The following DLGAP2 variants were observed in gnomAD, a reference collection of about 807,000 sequenced individuals.
DLGAP2 encodes the protein DLG associated protein 2, also known as disks large-associated protein 2.
Under a neutral mutation model 100.3 loss-of-function variants are expected in DLGAP2, and 26 were observed. That is an observed-to-expected ratio of 0.26 (90% CI 0.19 to 0.36). The LOEUF is 0.36. Ranked by LOEUF, DLGAP2 falls within the 10% of genes least tolerant of loss-of-function variation. DLGAP2 has a pLI of 1.00. For missense variants in DLGAP2, 1,858 were observed against 1,453.2 expected (o/e 1.28, Z -4.53); for synonymous variants, 886 against 630.1 (o/e 1.41, Z -6.08).
At chr8:1,351,259 A>T (rs1442285148) in intron 3 of DLGAP2, among the ~76,000 whole-genome samples, 5 of 84,630 alleles carry the variant, frequency 5.9e-5, no homozygotes, top group Admixed American at 1.2e-4. Context: ...TGTGTGTGGA[A>T]CGGCCGTGCG....
intron 3 of DLGAP2, among the ~76,000 whole-genome samples, chr8:1,323,417 T>A (rs1410109694): frequency 6.6e-6 from 1 of 152,140 alleles, no homozygotes; most frequent in Non-Finnish European, 1.5e-5. Flanking sequence ...TGGCTTTGAG[T>A]CTGGGTGGCC....
intron 1 of DLGAP2, among the ~76,000 whole-genome samples, chr8:794,574 T>C (rs990100269): frequency 1.3e-5 from 2 of 152,258 alleles, no homozygotes; most frequent in African/African-American, 2.4e-5. Flanking sequence ...ACTCATGTTA[T>C]TGTTTGTGGC....
intron 3 of DLGAP2, among the ~76,000 whole-genome samples, chr8:1,360,069 C>G (rs1049772518): frequency 2.0e-5 from 3 of 152,202 alleles, no homozygotes; most frequent in Non-Finnish European, 4.4e-5. Flanking sequence ...TCCCCGTCCA[C>G]TGAGGAAATC....
intron 3 of DLGAP2, among the ~76,000 whole-genome samples, chr8:1,338,165 G>C (rs369107331): frequency 6.6e-6 from 1 of 152,232 alleles, no homozygotes; most frequent in Non-Finnish European, 1.5e-5. Context: ...TTATGACCCA[G>C]TGTGTGTATT....
chr8:1,248,608 G>T (rs1285132027), intron 2 of DLGAP2: 2 of 151,422 alleles, frequency 1.3e-5, no homozygotes, highest in Non-Finnish European at 1.5e-5. Flanking sequence ...AGGAGTGATG[G>T]TCCACGTCGG....
intron 13 of DLGAP2, among the ~76,000 whole-genome samples, chr8:1,693,617 T>G (rs1376990689): frequency 6.6e-6 from 1 of 152,192 alleles, no homozygotes. Context: ...ATAAGAATAT[T>G]CTTACACATC....
At position 1,549,277 on chromosome 8, in the gene DLGAP2, G is replaced by C. The variant is rs761687356; in HGVS notation, c.824G>C (p.Ser275Thr). The change falls in exon 5 of 15, where the codon AGC becomes ACC. Residue 275 changes from serine (S) to threonine (T), a missense_variant. Ser to Thr is a moderately conservative substitution (Grantham distance 58). Transcript: ENST00000637795. ...DHHHAHHAKH[S>T]KRSKSKERKP... The stretch of plus-strand genomic sequence containing the variant: ...CACCACGCCCACCACGCCAAGCACA[G>C]CAAGAGGAGCAAGAGCAAGGAGCGC... 1 of 1,611,574 alleles carries C rather than the reference G, an allele frequency of 6.2e-7. No homozygotes were observed. Among genetic ancestry groups the C allele is most frequent in the Admixed American group, 1.7e-5 (1 of 59,894 alleles).
chr8:1,438,398 T>C (rs1172282964), intron 3 of DLGAP2, among the ~76,000 whole-genome samples: 1 of 152,166 alleles, frequency 6.6e-6, no homozygotes, highest in Non-Finnish European at 1.5e-5. Flanking sequence ...GAGGCCATTT[T>C]AGTGCGTTGC....
chr8:792,306 C>T (rs1275216058), intron 1 of DLGAP2, among the ~76,000 whole-genome samples: 3 of 152,104 alleles, frequency 2.0e-5, no homozygotes, highest in Non-Finnish European at 4.4e-5. Context: ...CAAATGACAA[C>T]CCAGGATTTT....
rs539436787 is a variant in DLGAP2 at position 1,707,321 on chromosome 8, G to A, written c.*5915G>A. On this transcript the variant is annotated 3_prime_UTR_variant, in exon 15 of 15. Transcript: ENST00000637795. ...AAGTAGACCATGGTCTCCCTAGAGAGTGTGTTGGCTTGTGTCTGCCAGTAC... is the reference window on the plus strand; with the variant it reads ...AAGTAGACCATGGTCTCCCTAGAGAATGTGTTGGCTTGTGTCTGCCAGTAC... 5 of 152,280 alleles carry A rather than the reference G, an allele frequency of 3.3e-5. No homozygotes were observed. The highest frequency in any genetic ancestry group is 4.8e-5 in the African/African-American group (2 of 41,454). The allele number at this position is 152,280 out of a possible 1,614,324, so 9.4% of individuals were successfully genotyped here.
intron 5 of DLGAP2, among the ~76,000 whole-genome samples, chr8:1,558,274 G>A (rs975071581): frequency 1.3e-5 from 2 of 152,218 alleles, no homozygotes; most frequent in Admixed American, 1.3e-4. Context: ...GTCGCAGGCG[G>A]CTTAGATGGG....
intron 7 of DLGAP2, among the ~76,000 whole-genome samples, chr8:1,627,792 C>T (rs1020690571): frequency 3.8e-4 from 52 of 136,348 alleles, no homozygotes; most frequent in East Asian, 1.8e-3. Flanking sequence ...GATTAAGAGC[C>T]TGAGCCGACC....
intron 3 of DLGAP2, among the ~76,000 whole-genome samples, chr8:1,441,523 A>C (rs1019072920): frequency 9.2e-5 from 14 of 151,976 alleles, no homozygotes; most frequent in Admixed American, 2.6e-4. Flanking sequence ...CCCCGTCTCT[A>C]CTAAAAGTAC....
intron 8 of DLGAP2, among the ~76,000 whole-genome samples, chr8:1,640,575 G>A (rs1797873705): frequency 6.6e-6 from 1 of 152,094 alleles, no homozygotes; most frequent in Non-Finnish European, 1.5e-5. Context: ...CTTCCATGAA[G>A]CCCCAAGAAT....
intron 1 of DLGAP2, among the ~76,000 whole-genome samples, chr8:788,640 G>A (rs1411218353): frequency 6.6e-6 from 1 of 152,306 alleles, no homozygotes; most frequent in South Asian, 2.1e-4. Flanking sequence ...GTGAAGTTTG[G>A]TTTTGCGAGA....
At chr8:1,201,763 T>G (rs537684427) in intron 2 of DLGAP2, among the ~76,000 whole-genome samples, 2 of 152,296 alleles carry the variant, frequency 1.3e-5, no homozygotes, top group African/African-American at 4.8e-5. Context: ...GTGCCCTCCC[T>G]CATCACCAGG....
intron 12 of DLGAP2, among the ~76,000 whole-genome samples, chr8:1,683,954 G>GTACA (rs1799039938): frequency 1.3e-5 from 1 of 74,754 alleles, no homozygotes; most frequent in Non-Finnish European, 2.3e-5. Context: ...ATATATGTGT[G>GTACA]TATATATATA....
chr8:970,906 T>C (rs762186803), intron 2 of DLGAP2, among the ~76,000 whole-genome samples: 1 of 152,216 alleles, frequency 6.6e-6, no homozygotes, highest in Non-Finnish European at 1.5e-5. Flanking sequence ...TAAGAAAATA[T>C]AAAATTTCAA....
chr8:1,349,191 C>G (rs4993900), intron 3 of DLGAP2, among the ~76,000 whole-genome samples: 3 of 149,062 alleles, frequency 2.0e-5, no homozygotes, highest in Non-Finnish European at 4.4e-5. Context: ...ACAGCTGTGT[C>G]GTACGCTCAC....
Sources: allele counts gnomAD v4.1 joint callset (sites outside exome capture counted in the v4.1 genomes callset), GRCh38; gene constraint gnomAD v4.1.1; transcripts MANE v1.5; gene names NCBI Gene and HGNC (gene_info 2026-07-23, HGNC 2026-07-21).